SV2C: variants seen among roughly 807,000 people sequenced by gnomAD.
SV2C encodes the protein solute carrier family 22 member B3.
Under a neutral mutation model 79.7 loss-of-function variants are expected in SV2C, and 49 were observed. The observed-to-expected ratio is 0.61, with a 90% confidence interval of 0.49 to 0.78. The LOEUF (loss-of-function observed/expected upper bound fraction) is 0.78, where lower values mean the gene tolerates loss of function less well. Among genes scored for constraint, SV2C ranks in the 30% least tolerant of loss-of-function variants. The pLI, the probability that SV2C is intolerant of heterozygous loss-of-function variation, is 0.00. For missense variants in SV2C, 833 were observed against 912.9 expected, an observed-to-expected ratio of 0.91 and a Z score of 1.13; for synonymous variants, 334 against 333.2, an observed-to-expected ratio of 1.00 and a Z score of -0.03.
At position 76,295,809 on chromosome 5, in the gene SV2C, G is replaced by A. The variant is rs754286272; in HGVS notation, c.1369G>A (p.Val457Ile). 2 of 1,611,618 alleles carry A rather than the reference G, an allele frequency of 1.2e-6. No homozygotes were observed. Among genetic ancestry groups the A allele is most frequent in the African/African-American group, 1.3e-5 (1 of 74,810 alleles). Reference protein sequence around the residue: ...YYGLSVWFPDVIKPLQSDEYA... With the variant: ...YYGLSVWFPDIIKPLQSDEYA... Reference sequence around the variant, plus strand: ...TGGATTATCCGTTTGGTTCCCTGATGTCATTAAACCTCTGCAGTCCGATGA... The same window carrying A: ...TGGATTATCCGTTTGGTTCCCTGATATCATTAAACCTCTGCAGTCCGATGA... The change falls in exon 9 of 13, where the codon GTC (valine) becomes ATC (isoleucine). Residue 457 changes from valine (V) to isoleucine (I), a missense_variant. By Grantham distance (29) the Val-to-Ile change is conservative. Coordinates refer to ENST00000502798, the MANE Select transcript of SV2C (RefSeq NM_014979.4).
chr5:76,033,823 G>A, the SV2C span, among the ~76,000 whole-genome samples: 15 of 151,650 alleles, frequency 9.9e-5, no homozygotes, highest in South Asian at 1.0e-3. Flanking sequence ...CATTGAATCT[G>A]TAAATTACCT....
At chr5:75,855,503 G>C in the SV2C span, among the ~76,000 whole-genome samples, 1 of 151,922 alleles carries the variant, frequency 6.6e-6, no homozygotes, top group Non-Finnish European at 1.5e-5. Flanking sequence ...TGGCAACCCT[G>C]CATTAAACAA....
chr5:75,897,384 G>T, the SV2C span, among the ~76,000 whole-genome samples: 3 of 151,542 alleles, frequency 2.0e-5, no homozygotes, highest in Non-Finnish European at 2.9e-5. Context: ...TTGTAGATAT[G>T]CGGCGTTATT....
At chr5:75,992,570 G>A in the SV2C span, among the ~76,000 whole-genome samples, 3 of 152,122 alleles carry the variant, frequency 2.0e-5, no homozygotes, top group East Asian at 5.8e-4. Context: ...GACCGGTCAT[G>A]TTTCCTCTTT....
chr5:76,153,300 T>C (rs4299714), intron 2 of SV2C, among the ~76,000 whole-genome samples: 72,464 of 151,982 alleles, frequency 0.48, 17,476 homozygotes, highest in South Asian at 0.52. Context: ...TTGACCACCC[T>C]ACCCTTCCTG....
chr5:75,900,819 C>T, the SV2C span, among the ~76,000 whole-genome samples: 5 of 152,150 alleles, frequency 3.3e-5, no homozygotes, highest in African/African-American at 9.7e-5. Flanking sequence ...TCCCTTCTCA[C>T]TTCATTTCAT....
the SV2C span, among the ~76,000 whole-genome samples, chr5:76,023,311 G>A: frequency 6.6e-6 from 1 of 152,148 alleles, no homozygotes; most frequent in African/African-American, 2.4e-5. Context: ...CGTGGGATGA[G>A]ATACTTTGCA....
chr5:76,276,622 C>T (rs1747029750), intron 4 of SV2C, among the ~76,000 whole-genome samples: 1 of 151,112 alleles, frequency 6.6e-6, no homozygotes, highest in African/African-American at 2.4e-5. Flanking sequence ...GCTACAGTAC[C>T]TGGCCTTTTC....
chr5:76,046,484 A>T, the SV2C span, among the ~76,000 whole-genome samples: 2 of 152,234 alleles, frequency 1.3e-5, no homozygotes, highest in Admixed American at 1.3e-4. Flanking sequence ...GTCTACTTCA[A>T]AACATTGACT....
intron 2 of SV2C, among the ~76,000 whole-genome samples, chr5:76,189,350 T>C (rs1561256309): frequency 6.6e-6 from 1 of 152,074 alleles, no homozygotes; most frequent in Admixed American, 6.5e-5. Flanking sequence ...TTCCTAGAAT[T>C]GACCTTAAGA....
At chr5:76,282,621 A>G (rs931099443) in intron 4 of SV2C, among the ~76,000 whole-genome samples, 1 of 152,254 alleles carries the variant, frequency 6.6e-6, no homozygotes, top group Non-Finnish European at 1.5e-5. Context: ...AGTGGCTCAC[A>G]TAACCTGTTC....
At chr5:76,069,437 C>T in the SV2C span, among the ~76,000 whole-genome samples, 3 of 152,182 alleles carry the variant, frequency 2.0e-5, no homozygotes, top group African/African-American at 4.8e-5. Context: ...CATCCCTGAT[C>T]GTCATTCTGC....
chr5:75,942,722 C>T, the SV2C span, among the ~76,000 whole-genome samples: 1 of 152,150 alleles, frequency 6.6e-6, no homozygotes. Flanking sequence ...CCTGTTCAAA[C>T]TCAACTATCT....
At chr5:76,015,763 C>A in the SV2C span, among the ~76,000 whole-genome samples, 17 of 152,046 alleles carry the variant, frequency 1.1e-4, no homozygotes, top group African/African-American at 2.4e-5. Context: ...ATTTACCCTG[C>A]GGCAAAATCA....
At chr5:76,152,449 A>G (rs1314653425) in intron 2 of SV2C, among the ~76,000 whole-genome samples, 1 of 152,240 alleles carries the variant, frequency 6.6e-6, no homozygotes, top group Non-Finnish European at 1.5e-5. Flanking sequence ...ATGTATATAT[A>G]GGAGATACGT....
the SV2C span, among the ~76,000 whole-genome samples, chr5:75,875,242 A>C: frequency 1.3e-5 from 2 of 152,204 alleles, no homozygotes; most frequent in Non-Finnish European, 2.9e-5. Context: ...CACATAGACC[A>C]ATAGAACAGA....
At chr5:76,190,643 A>G (rs1696457521) in intron 2 of SV2C, among the ~76,000 whole-genome samples, 1 of 152,220 alleles carries the variant, frequency 6.6e-6, no homozygotes. Context: ...AGAGTGGTCC[A>G]AAGACTAGGG....
chr5:75,849,241 G>A, the SV2C span, among the ~76,000 whole-genome samples: 2 of 152,224 alleles, frequency 1.3e-5, no homozygotes, highest in African/African-American at 4.8e-5. Flanking sequence ...TGTGAGATAA[G>A]TCTCAAATGG....
At chr5:76,178,579 T>A (rs1315936848) in intron 2 of SV2C, among the ~76,000 whole-genome samples, 2 of 152,238 alleles carry the variant, frequency 1.3e-5, no homozygotes, top group Non-Finnish European at 2.9e-5. Flanking sequence ...TGCACACTAC[T>A]CTTTATACTC....
Sources: gnomAD v4.1 joint callset for allele counts (sites outside exome capture counted in the v4.1 genomes callset) on GRCh38, gnomAD v4.1.1 for gene constraint, MANE v1.5 for transcripts, NCBI Gene and HGNC (gene_info 2026-07-23, HGNC 2026-07-21) for gene names.